The following RTL4 variants were observed in gnomAD, a reference collection of about 807,000 sequenced individuals.
The protein encoded by RTL4 is retrotransposon Gag-like protein 4.
RTL4 carries 4 observed loss-of-function variants against 5.3 expected under a neutral mutation model. That is an observed-to-expected ratio of 0.75 (90% CI 0.37 to 1.72). RTL4 has a LOEUF of 1.72. Among genes scored for constraint, RTL4 ranks in the 40% most tolerant of loss-of-function variants. The pLI is 0.04. For synonymous variants in RTL4, 98 were observed against 87.3 expected, an observed-to-expected ratio of 1.12 and a Z score of -0.68; for missense variants, 260 against 227.1, an observed-to-expected ratio of 1.14 and a Z score of -0.93.
At chrX:112,085,973 T>A in the RTL4 span, among the ~76,000 whole-genome samples, 4 of 111,723 alleles carry the variant, frequency 3.6e-5, no homozygotes, top group Admixed American at 2.8e-4. Context: ...GAGTAGGGTA[T>A]TGATTATAGC....
chrX:112,198,024 G>A, the RTL4 span, among the ~76,000 whole-genome samples: 4 of 111,265 alleles, frequency 3.6e-5, no homozygotes, highest in Non-Finnish European at 7.5e-5. Context: ...CAGAGCAGAA[G>A]GCCTCGTCTG....
At chrX:112,328,526 CA>C in the RTL4 span, among the ~76,000 whole-genome samples, 1 of 111,583 alleles carries the variant, frequency 9.0e-6, no homozygotes, top group East Asian at 2.8e-4. Flanking sequence ...GAGTGACCTA[CA>C]AAGAGGCTTA....
chrX:112,174,819 T>A, the RTL4 span, among the ~76,000 whole-genome samples: 1 of 98,941 alleles, frequency 1.0e-5, no homozygotes, highest in Non-Finnish European at 2.0e-5. Flanking sequence ...GATTTGCATT[T>A]CTCTGATGGC....
the RTL4 span, among the ~76,000 whole-genome samples, chrX:112,136,661 A>G: frequency 8.9e-6 from 1 of 112,012 alleles, no homozygotes; most frequent in African/African-American, 3.2e-5. Context: ...TCCCAGTAGC[A>G]TTTTTACAGA....
the RTL4 span, among the ~76,000 whole-genome samples, chrX:112,442,588 G>A: frequency 9.0e-6 from 1 of 110,598 alleles, no homozygotes; most frequent in Non-Finnish European, 1.9e-5. Flanking sequence ...TTTATTGTAT[G>A]TAAAGTATAC....
At chrX:112,411,540 T>A in the RTL4 span, among the ~76,000 whole-genome samples, 1 of 111,365 alleles carries the variant, frequency 9.0e-6, no homozygotes, top group Non-Finnish European at 1.9e-5. Flanking sequence ...AACACAAGGA[T>A]GGCTCAACAT....
the RTL4 span, among the ~76,000 whole-genome samples, chrX:112,329,706 A>G: frequency 1.9e-4 from 21 of 111,155 alleles, no homozygotes; most frequent in African/African-American, 5.9e-4. Flanking sequence ...GACACAACCA[A>G]AAAAGAGAAT....
At chrX:112,213,618 T>A in the RTL4 span, among the ~76,000 whole-genome samples, 1 of 112,317 alleles carries the variant, frequency 8.9e-6, no homozygotes, top group Non-Finnish European at 1.9e-5. Flanking sequence ...TCACCATTTT[T>A]AAAATTGTGG....
the RTL4 span, among the ~76,000 whole-genome samples, chrX:112,417,266 G>A: frequency 1.8e-5 from 2 of 111,755 alleles, no homozygotes; most frequent in Non-Finnish European, 3.8e-5. Context: ...TGTTGTGCCC[G>A]TCAAGAAGCT....
At chrX:112,335,702 C>G in the RTL4 span, among the ~76,000 whole-genome samples, 1 of 110,587 alleles carries the variant, frequency 9.0e-6, no homozygotes, top group Non-Finnish European at 1.9e-5. Context: ...CGATTTTCAA[C>G]TAAATTAGTT....
chrX:112,434,620 T>A, the RTL4 span, among the ~76,000 whole-genome samples: 1 of 112,064 alleles, frequency 8.9e-6, no homozygotes, highest in South Asian at 3.7e-4. Flanking sequence ...GATTCTTCTC[T>A]CTTTTCTTCT....
At chrX:112,107,591 G>C in the RTL4 span, among the ~76,000 whole-genome samples, 1 of 111,631 alleles carries the variant, frequency 9.0e-6, no homozygotes, top group Non-Finnish European at 1.9e-5. Context: ...CAGTATTTTT[G>C]GTTGAAGGTT....
At chrX:112,263,972 A>T in the RTL4 span, among the ~76,000 whole-genome samples, 1 of 111,704 alleles carries the variant, frequency 9.0e-6, no homozygotes, top group South Asian at 3.8e-4. Flanking sequence ...TCTAGAGAAA[A>T]GGAGCTAATA....
the RTL4 span, among the ~76,000 whole-genome samples, chrX:112,158,424 TTCTC>T: frequency 9.2e-6 from 1 of 109,155 alleles, no homozygotes; most frequent in East Asian, 2.9e-4. Context: ...TGTTTTGGTG[TTCTC>T]TCTCTCTCTT....
At chrX:112,455,463 T>C (rs1404955600) in exon 1 of RTL4, 2 of 1,208,765 alleles carry the variant, frequency 1.7e-6, no homozygotes, top group African/African-American at 3.5e-5. Flanking sequence ...AAGCCCTCTT[T>C]AGCCCCACAG....
chrX:112,433,175 A>G, the RTL4 span, among the ~76,000 whole-genome samples: 2 of 111,447 alleles, frequency 1.8e-5, no homozygotes, highest in Admixed American at 1.9e-4. Flanking sequence ...TGATGCCTCC[A>G]GCTTTGTTCT....
At chrX:112,187,665 CA>C in the RTL4 span, among the ~76,000 whole-genome samples, 3 of 111,776 alleles carry the variant, frequency 2.7e-5, no homozygotes, top group Non-Finnish European at 5.6e-5. Context: ...TAACTAAGGA[CA>C]AACCTACCCA....
At chrX:112,281,777 A>G in the RTL4 span, among the ~76,000 whole-genome samples, 2 of 111,699 alleles carry the variant, frequency 1.8e-5, no homozygotes. Flanking sequence ...CCTGTTGGCC[A>G]TATATATGTC....
the RTL4 span, among the ~76,000 whole-genome samples, chrX:112,280,862 A>G: frequency 1.9e-3 from 207 of 110,883 alleles, 3 homozygotes; most frequent in East Asian, 0.052. Context: ...TTATTTATTT[A>G]TTTATTTTTC....
Sources: gnomAD v4.1 joint callset for allele counts (sites outside exome capture counted in the v4.1 genomes callset) on GRCh38, gnomAD v4.1.1 for gene constraint, MANE v1.5 for transcripts, NCBI Gene and HGNC (gene_info 2026-07-23, HGNC 2026-07-21) for gene names.